The following ZBTB21 variants were observed in gnomAD, a reference collection of about 807,000 sequenced individuals.
ZBTB21 encodes zinc finger and BTB domain containing 21, also known as zinc finger and BTB domain-containing protein 21.
In ZBTB21, 10 loss-of-function variants were observed where a neutral mutation model predicts 39.8. The ratio of observed to expected loss-of-function variants is 0.25; its 90% CI spans 0.16 to 0.43. The LOEUF is 0.43. Among genes scored for constraint, ZBTB21 ranks in the 20% least tolerant of loss-of-function variants. The pLI is 1.00. For synonymous variants in ZBTB21, 551 were observed against 498.8 expected (o/e 1.10, Z -1.40); for missense variants, 1,221 against 1,296.3 (o/e 0.94, Z 0.89).
intron 2 of ZBTB21, among the ~76,000 whole-genome samples, chr21:42,001,128 T>C (rs555382319): frequency 6.6e-6 from 1 of 152,190 alleles, no homozygotes; most frequent in Non-Finnish European, 1.5e-5. Context: ...TCAAGTAACA[T>C]GCTCAACGTC....
chr21:41,998,162 C>T (rs1014317900), intron 2 of ZBTB21, among the ~76,000 whole-genome samples: 1 of 151,482 alleles, frequency 6.6e-6, no homozygotes, highest in East Asian at 1.9e-4. Flanking sequence ...TTTATTTAGG[C>T]TTCTGTTCCT....
intron 2 of ZBTB21, among the ~76,000 whole-genome samples, chr21:42,002,169 G>T (rs2146326342): frequency 6.6e-6 from 1 of 152,262 alleles, no homozygotes; most frequent in East Asian, 1.9e-4. Context: ...AGGAGACAGG[G>T]GTAGCTAGGA....
At position 41,989,518 on chromosome 21, in the gene ZBTB21, C is replaced by A. The variant is rs1441300784; in HGVS notation, c.*1377G>T. ...TTTTTAATACATCTAACTCCCACCC[C>A]CACAAGTAAAAGTTTTCCCTTTTGA... On this transcript the variant is annotated 3_prime_UTR_variant, in exon 3 of 3. Transcript: ENST00000310826. The A allele has an allele frequency of 1.9e-4, 29 of 152,068 alleles. No homozygotes were observed. The highest frequency in any genetic ancestry group is 1.5e-5 in the Non-Finnish European group (1 of 67,976). 9.4% of individuals were successfully genotyped at this position (152,068 alleles called of 1,614,324 possible).
intron 2 of ZBTB21, among the ~76,000 whole-genome samples, chr21:41,998,706 G>C (rs1185689681): frequency 1.3e-5 from 2 of 152,072 alleles, no homozygotes; most frequent in African/African-American, 4.8e-5. Flanking sequence ...GAAGAGCCCA[G>C]AGTCTCCTAG....
chr21:42,001,844 G>T (rs929442601), intron 2 of ZBTB21, among the ~76,000 whole-genome samples: 5 of 152,184 alleles, frequency 3.3e-5, no homozygotes, highest in African/African-American at 9.7e-5. Flanking sequence ...CCGAGGCACA[G>T]AGGGTTAAGT....
intron 1 of ZBTB21, among the ~76,000 whole-genome samples, 176 bp from the exon 2 acceptor site, chr21:42,003,137 A>C (rs2065837921): frequency 6.6e-6 from 1 of 152,264 alleles, no homozygotes; most frequent in Admixed American, 6.5e-5. Flanking sequence ...TTACCTGTTA[A>C]ACATGGCTAA....
intron 2 of ZBTB21, among the ~76,000 whole-genome samples, chr21:41,998,342 C>A: frequency 6.6e-6 from 1 of 152,034 alleles, no homozygotes; most frequent in Non-Finnish European, 1.5e-5. Flanking sequence ...CAGGCGTGCA[C>A]CACCACGCCC....
rs763575074 is a variant in ZBTB21 at position 41,992,962 on chromosome 21, A to G, written c.1134T>C (p.Cys378=). 5 of 1,614,232 alleles carry G rather than the reference A, an allele frequency of 3.1e-6. No individual in the cohort carries two copies. The South Asian group carries it at 5.5e-5, about 18-fold the overall frequency. The change falls in exon 3 of 3, where the codon TGT becomes TGC. Residue 378 remains cysteine (C), a synonymous_variant. Coordinates refer to ENST00000310826, the MANE Select transcript of ZBTB21 (RefSeq NM_001098402.2). The surrounding 1 kb of genome is among the most constrained non-coding windows in gnomAD (Gnocchi z 4.1). ...VSSDAPGNVL[C]ALSQKSSLKD... ...TTAAAGATGACTTCTGAGATAAAGC[A>G]CACAACACATTCCCTGGTGCATCAC...
At chr21:42,000,874 T>G (rs1375752695) in intron 2 of ZBTB21, among the ~76,000 whole-genome samples, 3 of 152,222 alleles carry the variant, frequency 2.0e-5, no homozygotes, top group Non-Finnish European at 4.4e-5. Context: ...GAAAAGTGCC[T>G]CAAGATGTCC....
At position 41,991,280 on chromosome 21, in the gene ZBTB21, CAAAT is replaced by C. The variant is rs751281118; in HGVS notation, c.2812_2815del (p.Ile938ValfsTer158). 2 of 1,613,772 alleles carry C rather than the reference CAAAT, an allele frequency of 1.2e-6. No individual in the cohort carries two copies. Among genetic ancestry groups the C allele is most frequent in the East Asian group, 2.2e-5 (1 of 44,890 alleles). The stretch of plus-strand genomic sequence containing the variant: ...GCGAAAAGCTTTGTTGCACACGTGA[CAAAT>C]AAATGGTTTCACAGAGCACAGAAGC... On this transcript the variant is annotated frameshift_variant, in exon 3 of 3. Transcript: ENST00000310826. LOFTEE classifies it high-confidence loss of function. This position sits in a 1 kb window ranked among gnomAD's most constrained non-coding sequence, Gnocchi z 4.9.
At position 41,991,490 on chromosome 21, in the gene ZBTB21, C is replaced by A. The variant is rs756012825; in HGVS notation, c.2606G>T (p.Ser869Ile). 2 of 1,614,172 alleles carry A rather than the reference C, an allele frequency of 1.2e-6. No homozygotes were observed. The highest frequency in any genetic ancestry group is 2.2e-5 in the South Asian group (2 of 91,080). Residue 869 changes from serine (S) to isoleucine (I), a missense_variant, in exon 3 of 3, where the codon AGT (serine) becomes ATT (isoleucine). Physicochemically the swap from Ser to Ile is moderately radical, Grantham distance 142. This residue lies in a region of ZBTB21 where 523 missense variants were observed against 542.5 expected (regional missense o/e 0.96). Transcript: ENST00000310826. This position sits in a 1 kb window ranked among gnomAD's most constrained non-coding sequence, Gnocchi z 4.9. Reference protein sequence around the residue: ...EDSSCLPEDLSLSKQLKIQVK... With the variant: ...EDSSCLPEDLILSKQLKIQVK... The stretch of plus-strand genomic sequence containing the variant: ...TTGGATTTTCAGTTGCTTGGAAAGA[C>A]TAAGGTCTTCGGGAAGACAAGAGGA...
intron 1 of ZBTB21, among the ~76,000 whole-genome samples, chr21:42,004,364 G>A (rs766783374): frequency 6.6e-6 from 1 of 152,110 alleles, no homozygotes; most frequent in African/African-American, 2.4e-5. Flanking sequence ...CCTCTTTATA[G>A]AGTGTTAAAT....
intron 2 of ZBTB21, among the ~76,000 whole-genome samples, chr21:42,000,752 T>A (rs1256872953): frequency 6.6e-6 from 1 of 152,212 alleles, no homozygotes; most frequent in Non-Finnish European, 1.5e-5. Context: ...GGGACAATAA[T>A]AAAGTCATTC....
rs2065664296 is a variant in ZBTB21 at position 41,991,891 on chromosome 21, T to C, written c.2205A>G (p.Leu735=). 6.2e-7 allele frequency: 1 copy of C among 1,614,148 alleles called. No individual in the cohort carries two copies. Among genetic ancestry groups the C allele is most frequent in the Non-Finnish European group, 8.5e-7 (1 of 1,180,042 alleles). ...ACAGCCGCTCGTGGCTTCCTTGCTC[T>C]AGGAGAGAAGAGAGCTTAGCATTAC... ...RLCNAKLSSL[L]EQGSHERLCR... is the part of the protein sequence containing the mutation. The change falls in exon 3 of 3, where the codon CTA becomes CTG. Residue 735 remains leucine, a synonymous_variant. Coordinates refer to ENST00000310826, the MANE Select transcript of ZBTB21 (RefSeq NM_001098402.2). This position sits in a 1 kb window ranked among gnomAD's most constrained non-coding sequence, Gnocchi z 4.9.
chr21:41,993,846 A>G lies in ZBTB21; in HGVS notation c.250T>C (p.Leu84=). The part of the protein sequence containing the change: ...FCEPDAFDNV[L]NYIYSSSLFV... ...AGAGAGGAAGAATAAATGTAGTTTA[A>G]AACATTATCAAAAGCATCTGGCTCA... Residue 84 remains leucine, a synonymous_variant, in exon 3 of 3, where the codon TTA becomes CTA. Coordinates refer to ENST00000310826, the MANE Select transcript of ZBTB21 (RefSeq NM_001098402.2). 1.2e-6 allele frequency: 2 copies of G among 1,614,120 alleles called. No individual in the cohort carries two copies. Among genetic ancestry groups the G allele is most frequent in the Non-Finnish European group, 1.7e-6 (2 of 1,180,016 alleles).
rs763079412 is a variant in ZBTB21, at chr21:41,992,057, C to T, written c.2039G>A (p.Arg680His). The change falls in exon 3 of 3, where the codon CGC (arginine) becomes CAC (histidine). Residue 680 changes from arginine (R) to histidine (H), a missense_variant. Physicochemically the swap from Arg to His is conservative, Grantham distance 29. Around this residue, in one of 4 missense-constraint regions of ZBTB21, gnomAD observed 523 missense variants for 542.5 expected, o/e 0.96. Transcript: ENST00000310826. The surrounding 1 kb of genome is among the most constrained non-coding windows in gnomAD (Gnocchi z 4.1). Reference protein sequence around the residue: ...YICTYCGKAYRFLSQFKQHIK... With the variant: ...YICTYCGKAYHFLSQFKQHIK... Reference sequence around the variant, plus strand: ...ATGCTGCTTAAATTGAGAGAGAAAGCGGTACGCTTTTCCGCAGTAAGTACA... The same window carrying T: ...ATGCTGCTTAAATTGAGAGAGAAAGTGGTACGCTTTTCCGCAGTAAGTACA... 1.4e-5 allele frequency: 22 copies of T among 1,614,110 alleles called. No homozygotes were observed. Among genetic ancestry groups the T allele is most frequent in the African/African-American group, 5.3e-5 (4 of 74,932 alleles).
In ZBTB21 at chr21:41,988,733, T is replaced by C. The variant is rs189199829; in HGVS notation, c.*2162A>G. 6.6e-6 allele frequency: 1 copy of C among 152,246 alleles called. No homozygotes were observed. The highest frequency in any genetic ancestry group is 2.4e-5 in the African/African-American group (1 of 41,570). The allele number at this position is 152,246 out of a possible 1,614,324, so 9.4% of individuals were successfully genotyped here. A position where few individuals can be genotyped will look rare whatever the true frequency, so the allele number is the denominator to read the frequency against. On this transcript the variant is annotated 3_prime_UTR_variant, in exon 3 of 3. Coordinates refer to ENST00000310826, the MANE Select transcript of ZBTB21 (RefSeq NM_001098402.2). ...AGTCATTTTTAAAATCTAACAGATA[T>C]GCAGAACCTATGTTTAGATCAAAAA... is the stretch of plus-strand genomic sequence containing the variant.
chr21:41,993,829 A>C lies in ZBTB21; in HGVS notation c.267T>G (p.Ser89=), dbSNP rs370568245. Reference sequence around the variant, plus strand: ...TGCTCTTCTCAACAAATAGAGAGGAAGAATAAATGTAGTTTAAAACATTAT... The same window carrying C: ...TGCTCTTCTCAACAAATAGAGAGGACGAATAAATGTAGTTTAAAACATTAT... ...AFDNVLNYIY[S]SSLFVEKSSL... The change falls in exon 3 of 3, where the codon TCT becomes TCG. Residue 89 remains serine, a synonymous_variant. Coordinates refer to ENST00000310826, the MANE Select transcript of ZBTB21 (RefSeq NM_001098402.2). 5.6e-6 allele frequency: 9 copies of C among 1,614,138 alleles called. No individual in the cohort carries two copies. In the African/African-American group the frequency reaches 8.0e-5, roughly 14 times the overall value.
intron 2 of ZBTB21, among the ~76,000 whole-genome samples, chr21:41,994,384 G>T (rs908171800): frequency 6.6e-6 from 1 of 152,258 alleles, no homozygotes; most frequent in East Asian, 1.9e-4. Flanking sequence ...AACTTGGCAG[G>T]TAGATATGGA....
Sources: allele counts gnomAD v4.1 joint callset (sites outside exome capture counted in the v4.1 genomes callset), GRCh38; gene constraint gnomAD v4.1.1; regional missense constraint gnomAD v4.1.1; non-coding constraint Gnocchi (gnomAD v3.1); transcripts MANE v1.5; gene names NCBI Gene and HGNC (gene_info 2026-07-23, HGNC 2026-07-21).